ANKRD30A: variants seen among roughly 807,000 people sequenced by gnomAD.
ANKRD30A encodes the protein ankyrin repeat domain-containing protein 30A.
A neutral mutation model predicts 166.3 loss-of-function variants in ANKRD30A; 170 were observed. The observed-to-expected ratio is 1.02, with a 90% CI of 0.90 to 1.16. The LOEUF (loss-of-function observed/expected upper bound fraction) is 1.16, where lower values mean the gene tolerates loss of function less well. ANKRD30A is among the 50% of genes most tolerant of loss of function. The pLI is 0.00. For synonymous variants in ANKRD30A, 564 were observed against 508.9 expected (o/e 1.11, Z -1.46); for missense variants, 1,630 against 1,518.0 (o/e 1.07, Z -1.23).
intron 4 of ANKRD30A, 111 bp from the exon 5 acceptor site, chr10:37,133,805 A>G (rs1836514690): frequency 1.6e-6 from 2 of 1,279,902 alleles, no homozygotes; most frequent in Middle Eastern, 2.7e-4. Flanking sequence ...ACACTTGAGC[A>G]CTCAAGATAC....
chr10:37,142,871 C>G (rs1837247653), intron 7 of ANKRD30A, among the ~76,000 whole-genome samples: 1 of 152,136 alleles, frequency 6.6e-6, no homozygotes, highest in South Asian at 2.1e-4. Context: ...GTGTGAACCA[C>G]TGTGCCCAGC....
In ANKRD30A at chr10:37,132,277, G is replaced by T; in HGVS notation, c.548G>T (p.Arg183Ile). The T allele has an allele frequency of 6.2e-7, 1 of 1,606,364 alleles. No individual in the cohort carries two copies. The highest frequency in any genetic ancestry group is 8.5e-7 in the Non-Finnish European group (1 of 1,176,692). ...LTPLLLSITK[R>I]SEQIVEFLLI... ...CCACTTTTACTATCCATAACGAAAAGAAGTGAGCAAATTGTGGAATTTTTG... is the reference window on the plus strand; with the variant it reads ...CCACTTTTACTATCCATAACGAAAATAAGTGAGCAAATTGTGGAATTTTTG... Residue 183 changes from arginine to isoleucine, a missense_variant, in exon 4 of 36, where the codon AGA (arginine) becomes ATA (isoleucine). Coordinates refer to ENST00000361713, the MANE Select transcript of ANKRD30A (RefSeq NM_052997.3).
intron 24 of ANKRD30A, among the ~76,000 whole-genome samples, chr10:37,178,024 A>T (rs1413110162): frequency 2.3e-4 from 35 of 149,976 alleles, no homozygotes; most frequent in Non-Finnish European, 2.8e-4. Context: ...AGAAAGTAGT[A>T]ATAGAGTAAA....
Position 37,135,670 on chromosome 10 carries a change from G to A in ANKRD30A, c.756-937G>A, listed in dbSNP as rs546892700. On this transcript the variant is annotated intron_variant, in intron 5 of 35. Coordinates refer to ENST00000361713, the MANE Select transcript of ANKRD30A (RefSeq NM_052997.3). The stretch of plus-strand genomic sequence containing the variant: ...ATTCTATCAAAGATTTGTTAGTTCA[G>A]GTTTAAGGAGGTAAATAAAGAGTAG... 7.9e-4 allele frequency among the ~76,000 whole-genome samples: 121 copies of A among 152,280 alleles called. 2 individuals are homozygous for A. Among genetic ancestry groups the A allele is most frequent in the Non-Finnish European group, 1.4e-3 (95 of 68,024 alleles).
At chr10:37,210,220 T>G (rs1272541015) in intron 31 of ANKRD30A, among the ~76,000 whole-genome samples, 1 of 152,174 alleles carries the variant, frequency 6.6e-6, no homozygotes, top group Non-Finnish European at 1.5e-5. Context: ...GTGTTTGGTT[T>G]TCTGTTCTTG....
chr10:37,198,218 G>C (rs765311693), intron 29 of ANKRD30A, among the ~76,000 whole-genome samples: 18 of 151,866 alleles, frequency 1.2e-4, no homozygotes, highest in Admixed American at 2.0e-4. Context: ...ATGTGTGCGT[G>C]GTCATATTTA....
chr10:37,196,216 A>T (rs1459265035), intron 27 of ANKRD30A, among the ~76,000 whole-genome samples: 1 of 151,570 alleles, frequency 6.6e-6, no homozygotes, highest in African/African-American at 2.4e-5. Flanking sequence ...CTCACTTCAG[A>T]TGCATGTAGA....
chr10:37,149,537 G>C, intron 9 of ANKRD30A, 114 bp from the exon 10 acceptor site: 1 of 1,296,744 alleles, frequency 7.7e-7, no homozygotes, highest in East Asian at 2.3e-5. Context: ...CAAATCTAAA[G>C]TATTCGTTCT....
At position 37,162,842 on chromosome 10, in the gene ANKRD30A, A is replaced by C; in HGVS notation, c.1996A>C (p.Arg666=). 6.2e-7 allele frequency: 1 copy of C among 1,613,312 alleles called. No homozygotes were observed. The highest frequency in any genetic ancestry group is 8.5e-7 in the Non-Finnish European group (1 of 1,179,592). ...ALELKNEQTL[R]ADEILPSESK... is the part of the protein sequence containing the mutation. ...GGAATTGAAAAATGAACAAACATTG[A>C]GAGCAGGTAAATTTTTCAATGTAAC... The change falls in exon 17 of 36, where the codon AGA becomes CGA. Residue 666 remains arginine, a synonymous_variant. Coordinates refer to ENST00000361713, the MANE Select transcript of ANKRD30A (RefSeq NM_052997.3).
rs1390869983 is a variant in ANKRD30A, at chr10:37,219,822, T to C, written c.4110T>C (p.Asn1370=). ...AACATCATCTCCTAAAAGAGAAAAA[T>C]GAGGAGATATTTAATTACAATAACC... ...KMQHHLLKEK[N]EEIFNYNNHL... The change falls in exon 34 of 36, where the codon AAT becomes AAC. Residue 1370 remains asparagine (N), a synonymous_variant. Coordinates refer to ENST00000361713, the MANE Select transcript of ANKRD30A (RefSeq NM_052997.3). 7 of 1,597,620 alleles carry C rather than the reference T, an allele frequency of 4.4e-6. No homozygotes were observed. The East Asian group carries it at 1.6e-4, about 36-fold the overall frequency.
At position 37,127,046 on chromosome 10, in the gene ANKRD30A, CAAAAAAAAAAAAAAAAAAAAAAAAAAA is replaced by C. The variant is rs71007622; in HGVS notation, c.221+1051_221+1077del. Among the ~76,000 whole-genome samples the C allele has an allele frequency of 3.0e-4, 5 of 16,504 alleles. No homozygotes were observed. In the Admixed American group the frequency reaches 6.6e-3, roughly 22 times the overall value. The allele number at this position is 16,504 out of a possible 152,430, so 10.8% of individuals were successfully genotyped here. A position where few individuals can be genotyped will look rare whatever the true frequency, so the allele number is the denominator to read the frequency against. On this transcript the variant is annotated intron_variant, in intron 1 of 35. Coordinates refer to ENST00000361713, the MANE Select transcript of ANKRD30A (RefSeq NM_052997.3). The stretch of plus-strand genomic sequence containing the variant: ...TAGGTGATAGAGTGAAACTCTGTCT[CAAAAAAAAAAAAAAAAAAAAAAAAAAA>C]AAAAAAAAAAAATCACAAATTGTTC...
At chr10:37,192,091 C>A (rs1840629940) in intron 25 of ANKRD30A, among the ~76,000 whole-genome samples, 1 of 151,996 alleles carries the variant, frequency 6.6e-6, no homozygotes, top group Non-Finnish European at 1.5e-5. Flanking sequence ...GGCTGGAGTG[C>A]AATGGCATGA....
chr10:37,191,971 A>G (rs570156437), intron 25 of ANKRD30A, among the ~76,000 whole-genome samples: 16 of 152,186 alleles, frequency 1.1e-4, no homozygotes, highest in African/African-American at 3.9e-4. Flanking sequence ...ACATTGAAAT[A>G]TGCAGGTGAA....
the ANKRD30A span, among the ~76,000 whole-genome samples, chr10:37,258,091 C>A: frequency 6.6e-6 from 1 of 152,040 alleles, no homozygotes; most frequent in Non-Finnish European, 1.5e-5. Flanking sequence ...AGGTAACAAA[C>A]CTGCATATTC....
intron 18 of ANKRD30A, 108 bp downstream of exon 18, chr10:37,165,263 T>C: frequency 9.5e-7 from 1 of 1,052,504 alleles, no homozygotes; most frequent in Non-Finnish European, 1.4e-6. Context: ...CACCCTCAAA[T>C]TATTTTTGAT....
intron 11 of ANKRD30A, 141 bp from the exon 12 acceptor site, chr10:37,151,919 G>A (rs759459631): frequency 3.1e-6 from 2 of 652,650 alleles, no homozygotes; most frequent in Non-Finnish European, 5.0e-6. Flanking sequence ...TATAGAAGTA[G>A]TTATTGTAAT....
the ANKRD30A span, among the ~76,000 whole-genome samples, chr10:37,259,275 A>C: frequency 1.3e-5 from 2 of 152,194 alleles, no homozygotes; most frequent in South Asian, 2.1e-4. Flanking sequence ...TAAGCATCAG[A>C]AAATGTCTTC....
the ANKRD30A span, among the ~76,000 whole-genome samples, chr10:37,257,889 C>T: frequency 6.6e-6 from 1 of 152,172 alleles, no homozygotes; most frequent in Non-Finnish European, 1.5e-5. Flanking sequence ...ACTGCATGTT[C>T]TCCCTCATAA....
intron 7 of ANKRD30A, among the ~76,000 whole-genome samples, chr10:37,143,441 G>A (rs1160151974): frequency 6.6e-6 from 1 of 152,144 alleles, no homozygotes; most frequent in African/African-American, 2.4e-5. Flanking sequence ...GGATCACCAG[G>A]TCAGGAGTTC....
Sources: gnomAD v4.1 joint callset for allele counts (sites outside exome capture counted in the v4.1 genomes callset) on GRCh38, gnomAD v4.1.1 for gene constraint, MANE v1.5 for transcripts, NCBI Gene and HGNC (gene_info 2026-07-23, HGNC 2026-07-21) for gene names.